The following SLC17A3 variants were observed in gnomAD, a reference collection of about 807,000 sequenced individuals.
SLC17A3 encodes solute carrier family 17 member 3, also known as sodium-dependent phosphate transport protein 4.
Under a neutral mutation model 60.3 loss-of-function variants are expected in SLC17A3, and 61 were observed. That is an observed-to-expected ratio of 1.01 (90% CI 0.82 to 1.25). The LOEUF (loss-of-function observed/expected upper bound fraction) is 1.25. SLC17A3 is among the 50% of genes most tolerant of loss of function. The pLI, the probability that SLC17A3 is intolerant of heterozygous loss-of-function variation, is 0.00. For missense variants in SLC17A3, 624 were observed against 594.9 expected, an observed-to-expected ratio of 1.05 and a Z score of -0.51; for synonymous variants, 192 against 208.9, an observed-to-expected ratio of 0.92 and a Z score of 0.70.
At chr6:25,868,531 T>C in intron 1 of SLC17A3, 111 bp from the exon 2 acceptor site, 1 of 705,768 alleles carries the variant, frequency 1.4e-6, no homozygotes, top group Non-Finnish European at 2.5e-6. Context: ...TCCATCTGGT[T>C]GGAGACAGGG....
At chr6:25,851,674 TC>T (rs1349791924) in intron 6 of SLC17A3, among the ~76,000 whole-genome samples, 1 of 152,162 alleles carries the variant, frequency 6.6e-6, no homozygotes, top group Non-Finnish European at 1.5e-5. Flanking sequence ...TGAACCTTTC[TC>T]AAATATCAGT....
chr6:25,855,082 A>C (rs922433638), intron 6 of SLC17A3, 62 bp downstream of exon 6: 48 of 1,058,410 alleles, frequency 4.5e-5, no homozygotes, highest in Non-Finnish European at 6.6e-5. Context: ...TACACAAAAT[A>C]TACTTACTGA....
intron 1 of SLC17A3, among the ~76,000 whole-genome samples, chr6:25,873,783 GA>G (rs1240393895): frequency 6.6e-6 from 1 of 152,088 alleles, no homozygotes; most frequent in Non-Finnish European, 1.5e-5. Context: ...ATCAATCCCA[GA>G]TGGAGATATT....
chr6:25,870,720 C>T (rs1204833817), intron 1 of SLC17A3, among the ~76,000 whole-genome samples: 1 of 152,006 alleles, frequency 6.6e-6, no homozygotes, highest in Non-Finnish European at 1.5e-5. Context: ...GAGGCCCCTA[C>T]AACATGGACT....
intron 5 of SLC17A3, among the ~76,000 whole-genome samples, chr6:25,860,114 G>A (rs560473297): frequency 6.6e-6 from 1 of 152,162 alleles, no homozygotes; most frequent in South Asian, 2.1e-4. Flanking sequence ...TTTCACTGCT[G>A]TATGATATTG....
At chr6:25,851,847 T>G (rs764799850) in intron 6 of SLC17A3, among the ~76,000 whole-genome samples, 2 of 152,160 alleles carry the variant, frequency 1.3e-5, no homozygotes, top group African/African-American at 4.8e-5. Context: ...AACTTTGTAA[T>G]TTATTTTCAA....
chr6:25,864,590 C>T (rs13211947), intron 2 of SLC17A3, among the ~76,000 whole-genome samples: 6,239 of 151,428 alleles, frequency 0.041, 187 homozygotes, highest in Non-Finnish European at 0.072. Context: ...TTCTAAACAA[C>T]AAGAAGAATG....
intron 1 of SLC17A3, among the ~76,000 whole-genome samples, chr6:25,872,316 C>T (rs1008357627): frequency 3.8e-5 from 5 of 132,908 alleles, no homozygotes; most frequent in African/African-American, 6.1e-5. Context: ...GGCCATAATA[C>T]GAGCTTTAAC....
In SLC17A3 at chr6:25,849,915, A is replaced by G. The variant is rs1765242835; in HGVS notation, c.1161T>C (p.Pro387=). Residue 387 remains proline (P), a synonymous_variant, in exon 10 of 13, where the codon CCT becomes CCC. Coordinates refer to ENST00000397060, the MANE Select transcript of SLC17A3 (RefSeq NM_001098486.2). The stretch of plus-strand genomic sequence containing the variant: ...CTGTGATATAGCCGGAATTGAGGTA[A>G]GGCAGAGACACAATGAGTGCTGAAG... ...LPSSALIVSL[P]YLNSGYITAT... The G allele has an allele frequency of 6.2e-7, 1 of 1,613,960 alleles. No individual in the cohort carries two copies. Among genetic ancestry groups the G allele is most frequent in the South Asian group, 1.1e-5 (1 of 91,088 alleles).
intron 6 of SLC17A3, among the ~76,000 whole-genome samples, 163 bp from the exon 7 acceptor site, chr6:25,851,040 A>G (rs1020749879): frequency 2.6e-5 from 4 of 152,006 alleles, no homozygotes; most frequent in African/African-American, 9.7e-5. Flanking sequence ...TTTCCTGTTT[A>G]TTTGTGTGTG....
intron 11 of SLC17A3, among the ~76,000 whole-genome samples, chr6:25,847,395 T>C (rs1765195980): frequency 6.6e-6 from 1 of 152,220 alleles, no homozygotes; most frequent in African/African-American, 2.4e-5. Flanking sequence ...GTCTTTATGG[T>C]AGAATAATTT....
chr6:25,857,444 G>A (rs62394291), intron 5 of SLC17A3, among the ~76,000 whole-genome samples: 12,172 of 150,502 alleles, frequency 0.081, 630 homozygotes, highest in South Asian at 0.12. Flanking sequence ...TTTTTAATGT[G>A]GTGTTTTGTA....
Position 25,855,139 on chromosome 6 carries a change from C to G in SLC17A3, c.712+5G>C, listed in dbSNP as rs748806527. On this transcript the variant is annotated splice_donor_5th_base_variant and intron_variant, in intron 6 of 12. Coordinates refer to ENST00000397060, the MANE Select transcript of SLC17A3 (RefSeq NM_001098486.2). ...AACTCAGGGAACTGGGAGATAGTAG[C>G]TTACCAAAGATATAGAAGACAAAGG... The G allele has an allele frequency of 1.3e-6, 2 of 1,593,814 alleles. No individual in the cohort carries two copies. The highest frequency in any genetic ancestry group is 4.5e-5 in the East Asian group (2 of 44,760).
At chr6:25,857,692 G>A (rs79920061) in intron 5 of SLC17A3, among the ~76,000 whole-genome samples, 6,040 of 152,262 alleles carry the variant, frequency 0.04, 170 homozygotes, top group Non-Finnish European at 0.068. Context: ...TAATAACAGG[G>A]GAAGGTAGTG....
chr6:25,856,205 T>C lies in SLC17A3; in HGVS notation c.626-975A>G, dbSNP rs566366889. ...CTCATCTCTTTGACAGCATTTAATA[T>C]CCTCAAAGGTTTTTTCTTGTTGTTG... On this transcript the variant is annotated intron_variant, in intron 5 of 12. Transcript: ENST00000397060. 2.6e-5 allele frequency among the ~76,000 whole-genome samples: 4 copies of C among 152,262 alleles called. No homozygotes were observed. In the South Asian group the frequency reaches 8.3e-4, roughly 32 times the overall value.
At chr6:25,854,746 C>A (rs1347888359) in intron 6 of SLC17A3, among the ~76,000 whole-genome samples, 2 of 152,134 alleles carry the variant, frequency 1.3e-5, no homozygotes, top group Non-Finnish European at 2.9e-5. Context: ...TTGAGCCTTA[C>A]TCAGGATGCC....
chr6:25,845,534 C>A lies in SLC17A3; in HGVS notation c.1363-18G>T, dbSNP rs763935944. 3 of 1,613,592 alleles carry A rather than the reference C, an allele frequency of 1.9e-6. No homozygotes were observed. The highest frequency in any genetic ancestry group is 2.5e-6 in the Non-Finnish European group (3 of 1,179,602). ...TCAGGGTCCTGGAGACACAAAACCC[C>A]AAGTATATATTACCCCTTTCATATT... On this transcript the variant is annotated intron_variant, in intron 11 of 12. Coordinates refer to ENST00000397060, the MANE Select transcript of SLC17A3 (RefSeq NM_001098486.2).
chr6:25,845,872 A>G (rs1765166482), intron 11 of SLC17A3, among the ~76,000 whole-genome samples: 1 of 152,180 alleles, frequency 6.6e-6, no homozygotes, highest in South Asian at 2.1e-4. Flanking sequence ...TTTGAGCTAT[A>G]CATGTTTAAG....
chr6:25,868,511 G>C (rs1303694723), intron 1 of SLC17A3, 91 bp from the exon 2 acceptor site: 5 of 842,286 alleles, frequency 5.9e-6, no homozygotes, highest in Middle Eastern at 3.1e-4. Context: ...GGAAAAAAAA[G>C]CTGGCCCATT....
Sources: allele counts gnomAD v4.1 joint callset (sites outside exome capture counted in the v4.1 genomes callset), GRCh38; gene constraint gnomAD v4.1.1; transcripts MANE v1.5; gene names NCBI Gene and HGNC (gene_info 2026-07-23, HGNC 2026-07-21).